POC1A: variants seen among roughly 807,000 people sequenced by gnomAD.
POC1A encodes the protein POC1 centriolar protein homolog A.
In POC1A, 34 loss-of-function variants were observed where a neutral mutation model predicts 47.8. That is an observed-to-expected ratio of 0.71 (90% CI 0.54 to 0.95). POC1A has a LOEUF of 0.95. Ranked by LOEUF, POC1A falls within the 40% of genes least tolerant of loss-of-function variation. POC1A has a pLI of 0.00. For missense variants in POC1A, 466 were observed against 528.3 expected (o/e 0.88, Z 1.16); for synonymous variants, 177 against 207.6 (o/e 0.85, Z 1.27).
intron 4 of POC1A, among the ~76,000 whole-genome samples, chr3:52,147,557 C>T (rs1170055752): frequency 6.6e-6 from 1 of 151,992 alleles, no homozygotes; most frequent in Non-Finnish European, 1.5e-5. Flanking sequence ...CCTAAGCCTC[C>T]TGAGCAGCTG....
chr3:52,096,275 AAC>A (rs1228624337), intron 10 of POC1A, among the ~76,000 whole-genome samples: 1 of 152,194 alleles, frequency 6.6e-6, no homozygotes, highest in Non-Finnish European at 1.5e-5. Context: ...GGAATAAACA[AAC>A]ACAGTGTTTC....
Position 52,079,509 on chromosome 3 carries a change from A to G in POC1A, c.1126-3524T>C, listed in dbSNP as rs550358522. Among the ~76,000 whole-genome samples the G allele has an allele frequency of 6.6e-6, 1 of 152,358 alleles. No homozygotes were observed. The highest frequency in any genetic ancestry group is 2.1e-4 in the South Asian group (1 of 4,826). On this transcript the variant is annotated intron_variant, in intron 10 of 10. Coordinates refer to ENST00000296484, the MANE Select transcript of POC1A (RefSeq NM_015426.5). This position sits in a 1 kb window ranked among gnomAD's most constrained non-coding sequence, Gnocchi z 4.6. ...ACTTTCATTTATTCAAGGAAAAATGAGCGCTGACCTTCCAAACAGTTCCTT... is the reference window on the plus strand; with the variant it reads ...ACTTTCATTTATTCAAGGAAAAATGGGCGCTGACCTTCCAAACAGTTCCTT...
intron 9 of POC1A, among the ~76,000 whole-genome samples, chr3:52,106,199 A>G (rs1026488871): frequency 4.6e-5 from 7 of 151,546 alleles, no homozygotes; most frequent in Non-Finnish European, 7.4e-5. Context: ...AAAAAAAAAA[A>G]AAAGAAAGTT....
chr3:52,125,366 G>A (rs751792934), intron 7 of POC1A, among the ~76,000 whole-genome samples, 185 bp from the exon 8 acceptor site: 2 of 152,142 alleles, frequency 1.3e-5, no homozygotes, highest in African/African-American at 2.4e-5. Flanking sequence ...AAGCACCACC[G>A]CTCAGGCTTC....
chr3:52,115,211 G>A (rs1703521413), intron 9 of POC1A, among the ~76,000 whole-genome samples: 1 of 152,010 alleles, frequency 6.6e-6, no homozygotes, highest in South Asian at 2.1e-4. Flanking sequence ...GAACTCCTGG[G>A]CTCAAGCCAG....
chr3:52,123,583 G>A (rs190984932), intron 8 of POC1A, among the ~76,000 whole-genome samples: 12 of 152,324 alleles, frequency 7.9e-5, no homozygotes, highest in African/African-American at 2.4e-4. Context: ...TGGCGTCTAG[G>A]GTCGTGCACA....
intron 6 of POC1A, among the ~76,000 whole-genome samples, chr3:52,144,380 G>A (rs1163845890): frequency 3.9e-5 from 6 of 152,214 alleles, no homozygotes; most frequent in Non-Finnish European, 7.3e-5. Flanking sequence ...GCCTCTGTCT[G>A]AAAGAGCATT....
At chr3:52,077,547 T>C (rs1373182581) in intron 10 of POC1A, among the ~76,000 whole-genome samples, 1 of 152,180 alleles carries the variant, frequency 6.6e-6, no homozygotes, top group Non-Finnish European at 1.5e-5. Flanking sequence ...AACTGCACCC[T>C]AAGAGGCAGA....
chr3:52,110,545 G>A (rs149188114), intron 9 of POC1A, among the ~76,000 whole-genome samples: 48 of 152,254 alleles, frequency 3.2e-4, no homozygotes, highest in Non-Finnish European at 6.3e-4. Flanking sequence ...ATCCTTAAAT[G>A]CCAAAGCCCT....
chr3:52,114,990 T>G (rs1703510934), intron 9 of POC1A, among the ~76,000 whole-genome samples: 1 of 152,206 alleles, frequency 6.6e-6, no homozygotes, highest in African/African-American at 2.4e-5. Flanking sequence ...CAGGCACATC[T>G]TGACCCCCAG....
At chr3:52,111,652 T>TAAAAAA (rs59028696) in intron 9 of POC1A, among the ~76,000 whole-genome samples, 4 of 95,176 alleles carry the variant, frequency 4.2e-5, no homozygotes, top group Non-Finnish European at 4.7e-5. Context: ...GTCTCAAAAT[T>TAAAAAA]AAAAAAAAAA....
Position 52,109,101 on chromosome 3 carries a change from T to C in POC1A, c.982-12389A>G, listed in dbSNP as rs1043291821. On this transcript the variant is annotated intron_variant, in intron 9 of 10. Transcript: ENST00000296484. ...TCAGCTACTCCGCCTACCAGAACCA[T>C]GGGTCGGGGAAGGGGGAGCAGAGAA... 2.0e-5 allele frequency among the ~76,000 whole-genome samples: 3 copies of C among 152,166 alleles called. No individual in the cohort carries two copies. The South Asian group carries it at 6.2e-4, about 32-fold the overall frequency.
At chr3:52,121,827 A>G (rs1270200322) in intron 9 of POC1A, among the ~76,000 whole-genome samples, 1 of 152,188 alleles carries the variant, frequency 6.6e-6, no homozygotes, top group Admixed American at 6.5e-5. Flanking sequence ...TTTTTCCCCA[A>G]ATATTTATCA....
chr3:52,138,380 C>T, intron 6 of POC1A, 78 bp from the exon 7 acceptor site: 1 of 1,467,748 alleles, frequency 6.8e-7, no homozygotes, highest in Non-Finnish European at 9.3e-7. Flanking sequence ...GCAATCAGGG[C>T]CAATCGAGGC....
intron 4 of POC1A, 74 bp downstream of exon 4, chr3:52,149,136 G>T (rs1698467454): frequency 3.0e-6 from 4 of 1,337,532 alleles, no homozygotes; most frequent in Admixed American, 3.4e-5. Context: ...TCATAAGTTG[G>T]TACCTAGCAG....
At chr3:52,152,286 T>G (rs957236255) in intron 1 of POC1A, among the ~76,000 whole-genome samples, 8 of 150,776 alleles carry the variant, frequency 5.3e-5, no homozygotes, top group Non-Finnish European at 1.0e-4. Context: ...AAAAAAGTAG[T>G]TAGCCGGGCA....
chr3:52,139,160 T>G (rs1698094549), intron 6 of POC1A, among the ~76,000 whole-genome samples: 1 of 152,186 alleles, frequency 6.6e-6, no homozygotes. Flanking sequence ...ACATTGAGCC[T>G]CAGTTTCTCC....
chr3:52,075,879 T>C lies in POC1A; in HGVS notation c.*8A>G. On this transcript the variant is annotated 3_prime_UTR_variant, in exon 11 of 11. Coordinates refer to ENST00000296484, the MANE Select transcript of POC1A (RefSeq NM_015426.5). ...AATCCACCGAGCTCCTGATTCCTGC[T>C]CCCCTGATCATGGTGTTGCTCTCTG... The C allele has an allele frequency of 6.2e-7, 1 of 1,604,922 alleles. No homozygotes were observed.
At chr3:52,082,212 C>CCA (rs1161665556) in intron 10 of POC1A, among the ~76,000 whole-genome samples, 1 of 152,054 alleles carries the variant, frequency 6.6e-6, no homozygotes, top group Non-Finnish European at 1.5e-5. Context: ...GGCAGTGGAC[C>CCA]CACAAGGGCC....
Sources: gnomAD v4.1 joint callset for allele counts (sites outside exome capture counted in the v4.1 genomes callset) on GRCh38, gnomAD v4.1.1 for gene constraint, Gnocchi (gnomAD v3.1) non-coding constraint, MANE v1.5 for transcripts, NCBI Gene and HGNC (gene_info 2026-07-23, HGNC 2026-07-21) for gene names.